Variants in DBF4 observed in about 807,000 individuals in gnomAD.
The protein encoded by DBF4 is protein DBF4 homolog A.
DBF4 carries 25 observed loss-of-function variants against 76.6 expected under a neutral mutation model. The observed-to-expected ratio is 0.33, with a 90% confidence interval of 0.24 to 0.46. DBF4 has a LOEUF of 0.46. DBF4 is among the 20% of genes least tolerant of loss of function. The pLI is 1.00. For missense variants in DBF4, 638 were observed against 760.8 expected (o/e 0.84, Z 1.90); for synonymous variants, 213 against 258.0 (o/e 0.83, Z 1.67).
intron 4 of DBF4, 132 bp from the exon 5 acceptor site, chr7:87,887,197 A>G (rs1839377615): frequency 2.6e-6 from 2 of 757,128 alleles, no homozygotes; most frequent in Non-Finnish European, 4.2e-6. Context: ...TGTCCTAGCT[A>G]TTGTAACTCT....
At chr7:87,901,102 G>A (rs1036379949) in intron 10 of DBF4, among the ~76,000 whole-genome samples, 15 of 152,000 alleles carry the variant, frequency 9.9e-5, no homozygotes, top group African/African-American at 2.7e-4. Flanking sequence ...ATTTTTTACC[G>A]TTGTGAAGAT....
chr7:87,888,188 T>C, intron 6 of DBF4, 129 bp downstream of exon 6: 2 of 1,280,874 alleles, frequency 1.6e-6, no homozygotes, highest in South Asian at 2.1e-5. Context: ...GTTTCTGTTA[T>C]TCAAATAAAT....
intron 6 of DBF4, 111 bp from the exon 7 acceptor site, chr7:87,896,363 G>C (rs760085594): frequency 4.4e-5 from 34 of 775,066 alleles, no homozygotes; most frequent in South Asian, 3.5e-4. Flanking sequence ...ATCCTTCTTT[G>C]ATATAGCACT....
At chr7:87,901,741 G>C (rs960082990) in intron 10 of DBF4, among the ~76,000 whole-genome samples, 1 of 152,216 alleles carries the variant, frequency 6.6e-6, no homozygotes, top group African/African-American at 2.4e-5. Context: ...CTCCCTGGCT[G>C]TGTGAGCTTG....
At position 87,893,435 on chromosome 7, in the gene DBF4, C is replaced by T. The variant is rs138143379; in HGVS notation, c.598-3039C>T. Among the ~76,000 whole-genome samples the T allele has an allele frequency of 6.5e-3, 983 of 151,198 alleles. 11 individuals are homozygous for T. Among genetic ancestry groups the T allele is most frequent in the African/African-American group, 0.023 (953 of 41,256 alleles). On this transcript the variant is annotated intron_variant, in intron 6 of 11. Coordinates refer to ENST00000265728, the MANE Select transcript of DBF4 (RefSeq NM_006716.4). ...TAATTTTTTGTATTTTTAGTAGAGACGGGGTTTCACCTTGTTAGCCAGAAT... is the reference window on the plus strand; with the variant it reads ...TAATTTTTTGTATTTTTAGTAGAGATGGGGTTTCACCTTGTTAGCCAGAAT...
intron 2 of DBF4, among the ~76,000 whole-genome samples, chr7:87,880,935 G>C (rs779390971): frequency 3.9e-5 from 6 of 152,144 alleles, no homozygotes; most frequent in Non-Finnish European, 8.8e-5. Flanking sequence ...GTATTAGCTT[G>C]AACTGTAAAA....
Position 87,907,696 on chromosome 7 carries a change from G to A in DBF4, c.1558G>A (p.Glu520Lys), listed in dbSNP as rs1371921027. The A allele has an allele frequency of 1.2e-6, 2 of 1,613,886 alleles. No homozygotes were observed. Among genetic ancestry groups the A allele is most frequent in the Non-Finnish European group, 1.7e-6 (2 of 1,179,952 alleles). ...TVLFPAKDLKEKDLHSIFTHD... is the reference protein window; with the variant it reads ...TVLFPAKDLKKKDLHSIFTHD... ...GCTTTTTCCAGCAAAGGATCTCAAG[G>A]AAAAGGACCTTCATTCAATATTTAC... Residue 520 changes from glutamate (E) to lysine (K), a missense_variant, in exon 12 of 12, where the codon GAA (glutamate) becomes AAA (lysine). Transcript: ENST00000265728.
intron 1 of DBF4, 24 bp from the exon 2 acceptor site, chr7:87,878,029 T>A (rs1199155022): frequency 1.3e-6 from 2 of 1,534,928 alleles, no homozygotes; most frequent in Non-Finnish European, 1.8e-6. Context: ...GTGTAAAACA[T>A]CTGATTCTAA....
intron 10 of DBF4, among the ~76,000 whole-genome samples, chr7:87,901,424 G>A (rs1049272005): frequency 2.6e-5 from 4 of 152,204 alleles, no homozygotes; most frequent in African/African-American, 9.7e-5. Flanking sequence ...TAGAAGTGCT[G>A]AAACATGGTC....
intron 6 of DBF4, among the ~76,000 whole-genome samples, chr7:87,888,887 T>C (rs1314524360): frequency 6.6e-6 from 1 of 152,222 alleles, no homozygotes; most frequent in Non-Finnish European, 1.5e-5. Context: ...TCTCTTCATA[T>C]TTCTCAGACC....
chr7:87,889,107 C>G (rs1839427857), intron 6 of DBF4, among the ~76,000 whole-genome samples: 1 of 152,014 alleles, frequency 6.6e-6, no homozygotes, highest in Non-Finnish European at 1.5e-5. Context: ...TTATAAAGTA[C>G]CTTGCCCTAT....
At chr7:87,885,830 C>T (rs1383961969) in intron 3 of DBF4, among the ~76,000 whole-genome samples, 1 of 152,150 alleles carries the variant, frequency 6.6e-6, no homozygotes, top group Non-Finnish European at 1.5e-5. Flanking sequence ...GAAATCACAT[C>T]CCTACCACTC....
intron 9 of DBF4, 51 bp from the exon 10 acceptor site, chr7:87,900,713 T>G: frequency 6.9e-7 from 1 of 1,458,796 alleles, no homozygotes; most frequent in South Asian, 1.2e-5. Flanking sequence ...ATTTTTAAAG[T>G]TATTCCTTAG....
Position 87,900,205 on chromosome 7 carries a change from CT to C in DBF4, c.681-11del, listed in dbSNP as rs1249075678. ...ATCATAAAGAATCTCATGTATTTGTCTTTTTATTCTTCTAGACTTTATAGGC... is the reference window on the plus strand; with the variant it reads ...ATCATAAAGAATCTCATGTATTTGTCTTTTATTCTTCTAGACTTTATAGGC... On this transcript the variant is annotated splice_polypyrimidine_tract_variant and intron_variant, in intron 8 of 11. Coordinates refer to ENST00000265728, the MANE Select transcript of DBF4 (RefSeq NM_006716.4). 1.3e-6 allele frequency: 2 copies of C among 1,563,054 alleles called. No individual in the cohort carries two copies. Among genetic ancestry groups the C allele is most frequent in the East Asian group, 2.3e-5 (1 of 43,934 alleles).
intron 6 of DBF4, 32 bp downstream of exon 6, chr7:87,888,091 C>T (rs1839404515): frequency 6.5e-7 from 1 of 1,532,398 alleles, no homozygotes; most frequent in East Asian, 2.3e-5. Flanking sequence ...TTAAAGTGAC[C>T]AAGCTTGGTT....
In DBF4 at chr7:87,876,737, A is replaced by C; in HGVS notation, c.5A>C (p.Asn2Thr). 1 of 1,613,398 alleles carries C rather than the reference A, an allele frequency of 6.2e-7. No homozygotes were observed. The highest frequency in any genetic ancestry group is 1.1e-5 in the South Asian group (1 of 91,024). Residue 2 changes from asparagine to threonine, a missense_variant, in exon 1 of 12, where the codon AAC (asparagine) becomes ACC (threonine). Coordinates refer to ENST00000265728, the MANE Select transcript of DBF4 (RefSeq NM_006716.4). MNSGAMRIHSKG... is the reference protein window; with the variant it reads MTSGAMRIHSKG... ...TGTAGGTGCCGGGCGACTGCCATGA[A>C]CTCCGGAGCCATGAGGATCCACAGT...
chr7:87,902,931 C>G (rs898003548), intron 10 of DBF4, among the ~76,000 whole-genome samples: 2 of 152,152 alleles, frequency 1.3e-5, no homozygotes, highest in Non-Finnish European at 2.9e-5. Flanking sequence ...GAGGAAGCTT[C>G]TAAGTACAAT....
At chr7:87,879,957 A>G (rs1171195785) in intron 2 of DBF4, among the ~76,000 whole-genome samples, 1 of 151,918 alleles carries the variant, frequency 6.6e-6, no homozygotes. Flanking sequence ...TGTCCAAAAA[A>G]AAAAAAAAAA....
rs1584373857 is a variant in DBF4 at position 87,904,158 on chromosome 7, A to G, written c.925-134A>G. 9.8e-6 allele frequency: 8 copies of G among 814,664 alleles called. No individual in the cohort carries two copies. The East Asian group carries it at 2.5e-4, about 25-fold the overall frequency. 50.5% of individuals were successfully genotyped at this position (814,664 alleles called of 1,614,324 possible). A position where few individuals can be genotyped will look rare whatever the true frequency, so the allele number is the denominator to read the frequency against. On this transcript the variant is annotated intron_variant, in intron 10 of 11. Coordinates refer to ENST00000265728, the MANE Select transcript of DBF4 (RefSeq NM_006716.4). ...TTTTAAACGTCTTTTGAAGTCTAGT[A>G]AAGGGTATTATCTTTGGAGTAGTTA...
Sources: gnomAD v4.1 joint callset for allele counts (sites outside exome capture counted in the v4.1 genomes callset) on GRCh38, gnomAD v4.1.1 for gene constraint, MANE v1.5 for transcripts, NCBI Gene and HGNC (gene_info 2026-07-23, HGNC 2026-07-21) for gene names.